The following DDX11 variants were observed in gnomAD, a reference collection of about 807,000 sequenced individuals.
The protein encoded by DDX11 is ATP-dependent DNA helicase DDX11.
A neutral mutation model predicts 125.2 loss-of-function variants in DDX11; 72 were observed. The observed-to-expected ratio is 0.58, with a 90% CI of 0.48 to 0.70. DDX11 has a LOEUF of 0.70. Ranked by LOEUF, DDX11 falls within the 30% of genes least tolerant of loss-of-function variation. The pLI is 0.00. For missense variants in DDX11, 883 were observed against 1,165.0 expected (o/e 0.76, Z 3.52); for synonymous variants, 347 against 452.6 (o/e 0.77, Z 2.96).
rs147656831 is a variant in DDX11, at chr12:31,102,527, G to A, written c.2372G>A (p.Arg791Gln). The A allele has an allele frequency of 2.1e-4, 343 of 1,612,322 alleles. No homozygotes were observed. Among genetic ancestry groups the A allele is most frequent in the Non-Finnish European group, 2.7e-4 (318 of 1,178,494 alleles). ...ATCAACTTCTCTGACAACCTAGGCCGGTAAGTAGTGGTTCTGCTCGTCTCC... is the reference window on the plus strand; with the variant it reads ...ATCAACTTCTCTGACAACCTAGGCCAGTAAGTAGTGGTTCTGCTCGTCTCC... ...EGINFSDNLG[R>Q]CVVMVGMPFP... The change falls in exon 23 of 27, where the codon CGG (arginine) becomes CAG (glutamine). Residue 791 changes from arginine (R) to glutamine (Q), a missense_variant and splice_region_variant. By Grantham distance (43) the Arg-to-Gln change is conservative. This residue lies in a region of DDX11 where 285 missense variants were observed against 346.0 expected (regional missense o/e 0.82). Coordinates refer to ENST00000542838, the MANE Select transcript of DDX11 (RefSeq NM_030653.4).
At position 31,096,764 on chromosome 12, in the gene DDX11, C is replaced by T. The variant is rs992432538; in HGVS notation, c.1630+19C>T. ...ACTGAAGGTGAGGCAGGAGGGTGGG[C>T]AGGCAGAGCCGGCTGCACGCATGGG... On this transcript the variant is annotated intron_variant, in intron 16 of 26. Transcript: ENST00000542838. The T allele has an allele frequency of 6.8e-6, 11 of 1,614,074 alleles. No homozygotes were observed. The highest frequency in any genetic ancestry group is 1.7e-5 in the Admixed American group (1 of 59,994).
intron 17 of DDX11, among the ~76,000 whole-genome samples, chr12:31,097,242 G>A (rs1421421146): frequency 6.6e-6 from 1 of 151,820 alleles, no homozygotes; most frequent in Non-Finnish European, 1.5e-5. Flanking sequence ...TCGAGGAGCT[G>A]GGATGGGGGT....
In DDX11 at chr12:31,088,132, A is replaced by G. The variant is rs922960718; in HGVS notation, c.684+149A>G. ...GCACTTGGACTCCGTTGCTTCTTGCACACAACCCTGGTCCTAAGTTGCTCC... is the reference window on the plus strand; with the variant it reads ...GCACTTGGACTCCGTTGCTTCTTGCGCACAACCCTGGTCCTAAGTTGCTCC... On this transcript the variant is annotated intron_variant, in intron 6 of 26. Coordinates refer to ENST00000542838, the MANE Select transcript of DDX11 (RefSeq NM_030653.4). 10 of 1,301,502 alleles carry G rather than the reference A, an allele frequency of 7.7e-6. No individual in the cohort carries two copies. The South Asian group carries it at 9.1e-5, about 12-fold the overall frequency. 80.6% of individuals were successfully genotyped at this position (1,301,502 alleles called of 1,614,324 possible).
intron 2 of DDX11, among the ~76,000 whole-genome samples, chr12:31,080,354 C>A (rs1231646060): frequency 6.6e-6 from 1 of 152,224 alleles, no homozygotes; most frequent in Admixed American, 6.5e-5. Context: ...CCTCCCCCTC[C>A]CTCTTGCCTC....
chr12:31,091,932 T>G (rs1944314205), intron 10 of DDX11, 61 bp downstream of exon 10: 16 of 1,608,776 alleles, frequency 9.9e-6, no homozygotes, highest in Non-Finnish European at 1.2e-5. Flanking sequence ...CTTGGATGGT[T>G]CCTCCAGACA....
chr12:31,076,255 G>A (rs1353218324), intron 1 of DDX11, among the ~76,000 whole-genome samples: 3 of 152,176 alleles, frequency 2.0e-5, no homozygotes, highest in African/African-American at 7.2e-5. Context: ...AGCAGAAACC[G>A]AGTGCGCTGA....
chr12:31,078,282 A>G (rs759255266), intron 1 of DDX11, 108 bp from the exon 2 acceptor site: 3 of 1,609,226 alleles, frequency 1.9e-6, no homozygotes, highest in South Asian at 2.2e-5. Flanking sequence ...AAAAAAGGAG[A>G]AATTTGGTAA....
At chr12:31,100,739 A>G (rs1203593953) in intron 19 of DDX11, 32 bp downstream of exon 19, 1 of 1,550,418 alleles carries the variant, frequency 6.4e-7, no homozygotes, top group East Asian at 2.4e-5. Flanking sequence ...GGGGCAGGCT[A>G]GAGGTCAGGT....
Position 31,103,351 on chromosome 12 carries a change from C to T in DDX11, c.2492C>T (p.Ala831Val), listed in dbSNP as rs1197559576. The part of the protein sequence containing the change: ...RAPGQAPPGK[A>V]LVENLCMKAV... The stretch of plus-strand genomic sequence containing the variant: ...CCCGGCCAGGCACCCCCAGGGAAGG[C>T]TCTGGTGGAGAACCTGTGCATGAAG... The change falls in exon 25 of 27, where the codon GCT becomes GTT. Residue 831 changes from alanine (A) to valine (V), a missense_variant. This residue lies in a region of DDX11 where 285 missense variants were observed against 346.0 expected (regional missense o/e 0.82). Transcript: ENST00000542838. 1 of 1,611,186 alleles carries T rather than the reference C, an allele frequency of 6.2e-7. No homozygotes were observed. Among genetic ancestry groups the T allele is most frequent in the Non-Finnish European group, 8.5e-7 (1 of 1,179,626 alleles).
chr12:31,094,449 A>G (rs1255344171), intron 12 of DDX11, 141 bp from the exon 13 acceptor site: 5 of 1,468,962 alleles, frequency 3.4e-6, no homozygotes, highest in East Asian at 5.0e-5. Context: ...GTTGCATGCT[A>G]TAAACAGTGA....
Position 31,078,515 on chromosome 12 carries a change from T to C in DDX11, c.122T>C (p.Ile41Thr), listed in dbSNP as rs1279019079. 1 of 1,611,664 alleles carries C rather than the reference T, an allele frequency of 6.2e-7. No homozygotes were observed. The highest frequency in any genetic ancestry group is 8.5e-7 in the Non-Finnish European group (1 of 1,179,790). Residue 41 changes from isoleucine (I) to threonine (T), a missense_variant, in exon 2 of 27, where the codon ATA becomes ACA. Transcript: ENST00000542838. ...GTTTTGGAGGCTGGCAAGATTGGGATATTTGAGAGTCCAACTGGCACTGTG... is the reference window on the plus strand; with the variant it reads ...GTTTTGGAGGCTGGCAAGATTGGGACATTTGAGAGTCCAACTGGCACTGTG... ...YRVLEAGKIGIFESPTGTGKS... is the reference protein window; with the variant it reads ...YRVLEAGKIGTFESPTGTGKS...
intron 20 of DDX11, 44 bp downstream of exon 20, chr12:31,101,174 A>G (rs1398050780): frequency 1.3e-6 from 2 of 1,578,778 alleles, no homozygotes; most frequent in African/African-American, 1.3e-5. Context: ...GGCCTCAGGC[A>G]GCAAAGGGTT....
At chr12:31,084,449 C>A in intron 3 of DDX11, 134 bp from the exon 4 acceptor site, 2 of 843,202 alleles carry the variant, frequency 2.4e-6, no homozygotes, top group Non-Finnish European at 4.0e-6. Context: ...GGGGATGCGG[C>A]AGCCCTTGAG....
At chr12:31,074,497 G>A (rs140367914) in intron 1 of DDX11, among the ~76,000 whole-genome samples, 342 of 152,292 alleles carry the variant, frequency 2.2e-3, no homozygotes, top group African/African-American at 7.8e-3. Context: ...GGCGGAGCAG[G>A]GTACAGTACG....
In DDX11 at chr12:31,103,710, C is replaced by G; in HGVS notation, c.2670C>G (p.Pro890=). Reference sequence around the variant, plus strand: ...TGGAGGTCAAAGCTACCTTTGGCCCCGCCATTGCTGCTGTGCAGAAGGTCA... The same window carrying G: ...TGGAGGTCAAAGCTACCTTTGGCCCGGCCATTGCTGCTGTGCAGAAGGTCA... The part of the protein sequence containing the change: ...ARVEVKATFG[P]AIAAVQKFHR... The change falls in exon 26 of 27, where the codon CCC becomes CCG. Residue 890 remains proline, a synonymous_variant. Coordinates refer to ENST00000542838, the MANE Select transcript of DDX11 (RefSeq NM_030653.4). The G allele has an allele frequency of 6.2e-7, 1 of 1,613,824 alleles. No individual in the cohort carries two copies. The highest frequency in any genetic ancestry group is 8.5e-7 in the Non-Finnish European group (1 of 1,179,966).
At chr12:31,087,502 T>C (rs1943363311) in intron 5 of DDX11, 1 of 319,600 alleles carries the variant, frequency 3.1e-6, no homozygotes, top group Non-Finnish European at 6.2e-6. Flanking sequence ...GAGGAGGTGA[T>C]GTTTCTGCTG....
chr12:31,100,080 A>T (rs1946111026), intron 18 of DDX11, among the ~76,000 whole-genome samples: 1 of 152,192 alleles, frequency 6.6e-6, no homozygotes, highest in African/African-American at 2.4e-5. Flanking sequence ...TTACAGGGAA[A>T]GGTCCGGGGG....
chr12:31,084,146 A>G lies in DDX11; in HGVS notation c.393+85A>G, dbSNP rs1269436383. The G allele has an allele frequency of 9.0e-6, 14 of 1,562,044 alleles. No homozygotes were observed. In the East Asian group the frequency reaches 2.5e-4, roughly 28 times the overall value. On this transcript the variant is annotated intron_variant, in intron 3 of 26. Coordinates refer to ENST00000542838, the MANE Select transcript of DDX11 (RefSeq NM_030653.4). ...TCTGGGGCGATTCCGAGACTCAGGC[A>G]GTGCATGCTCCCCTGCCGTTGCCGT...
intron 2 of DDX11, among the ~76,000 whole-genome samples, chr12:31,082,629 C>A (rs1325919905): frequency 6.6e-6 from 1 of 151,972 alleles, no homozygotes; most frequent in African/African-American, 2.4e-5. Flanking sequence ...CCAGAGACTC[C>A]CCTGAGCTGA....
Sources: allele counts gnomAD v4.1 joint callset (sites outside exome capture counted in the v4.1 genomes callset), GRCh38; gene constraint gnomAD v4.1.1; regional missense constraint gnomAD v4.1.1; transcripts MANE v1.5; gene names NCBI Gene and HGNC (gene_info 2026-07-23, HGNC 2026-07-21).